Variants in AZIN2 observed in about 807,000 individuals in gnomAD.
AZIN2 encodes the protein antizyme inhibitor 2, also known as ODC antizyme inhibitor-2.
A neutral mutation model predicts 47.8 loss-of-function variants in AZIN2; 28 were observed. The ratio of observed to expected loss-of-function variants is 0.59; its 90% CI spans 0.43 to 0.80. AZIN2 has a LOEUF of 0.80. Ranked by LOEUF, AZIN2 falls within the 30% of genes least tolerant of loss-of-function variation. The pLI, the probability that AZIN2 is intolerant of heterozygous loss-of-function variation, is 0.00. For synonymous variants in AZIN2, 221 were observed against 239.4 expected (o/e 0.92, Z 0.71); for missense variants, 535 against 582.5 (o/e 0.92, Z 0.84).
chr1:33,149,156 CTTAT>C, the AZIN2 span, among the ~76,000 whole-genome samples: 5 of 152,146 alleles, frequency 3.3e-5, no homozygotes, highest in Admixed American at 6.6e-5. Flanking sequence ...TCTTCTTTTT[CTTAT>C]TTATTTATTG....
intron 9 of AZIN2, 34 bp downstream of exon 9, chr1:33,096,903 C>T: frequency 3.1e-6 from 5 of 1,613,230 alleles, no homozygotes; most frequent in Non-Finnish European, 4.2e-6. Flanking sequence ...GCCCTGTTCT[C>T]CCCTGAAGCT....
In AZIN2 at chr1:33,120,308, T is replaced by C; in HGVS notation, c.*126T>C. 7.5e-7 allele frequency: 1 copy of C among 1,336,146 alleles called. No individual in the cohort carries two copies. Among genetic ancestry groups the C allele is most frequent in the Non-Finnish European group, 1.0e-6 (1 of 982,806 alleles). The allele number at this position is 1,336,146 out of a possible 1,614,324, so 82.8% of individuals were successfully genotyped here. A position where few individuals can be genotyped will look rare whatever the true frequency, so the allele number is the denominator to read the frequency against. On this transcript the variant is annotated 3_prime_UTR_variant, in exon 12 of 12. Transcript: ENST00000294517. Reference sequence around the variant, plus strand: ...GGTGCCCACCCTGCCACCCCCGCGCTCCACCTGCAGTGTTTCTGCCCTGTA... The same window carrying C: ...GGTGCCCACCCTGCCACCCCCGCGCCCCACCTGCAGTGTTTCTGCCCTGTA...
At chr1:33,137,411 T>C in the AZIN2 span, among the ~76,000 whole-genome samples, 1 of 152,214 alleles carries the variant, frequency 6.6e-6, no homozygotes, top group African/African-American at 2.4e-5. Context: ...ATGTTAATGA[T>C]ATTTCAAACC....
intron 5 of AZIN2, among the ~76,000 whole-genome samples, chr1:33,086,834 G>A (rs1641957601): frequency 6.6e-6 from 1 of 152,116 alleles, no homozygotes; most frequent in Admixed American, 6.5e-5. Context: ...CTCTTTTCGT[G>A]ACCAAACTCA....
chr1:33,124,090 T>C (rs1011953244), downstream of AZIN2, among the ~76,000 whole-genome samples: 6 of 152,010 alleles, frequency 3.9e-5, no homozygotes, highest in African/African-American at 7.2e-5. The surrounding 1 kb of genome is among the most constrained non-coding windows in gnomAD (Gnocchi z 4.6). Context: ...CACTTGAACC[T>C]GGGAGGCGGA....
At chr1:33,086,611 C>T (rs1002649278) in intron 5 of AZIN2, among the ~76,000 whole-genome samples, 2 of 152,218 alleles carry the variant, frequency 1.3e-5, no homozygotes, top group Admixed American at 1.3e-4. Flanking sequence ...AAGGGCCTGG[C>T]GTAAGCTAGG....
chr1:33,147,146 C>A, the AZIN2 span: 2 of 1,601,976 alleles, frequency 1.2e-6, no homozygotes, highest in Admixed American at 1.7e-5. The surrounding 1 kb of genome is among the most constrained non-coding windows in gnomAD (Gnocchi z 8.1). Flanking sequence ...TGGCAGTGGT[C>A]CCAGGAGGTT....
At chr1:33,112,183 T>A (rs1419477438) in intron 10 of AZIN2, among the ~76,000 whole-genome samples, 1 of 152,206 alleles carries the variant, frequency 6.6e-6, no homozygotes, top group African/African-American at 2.4e-5. Flanking sequence ...GGCAGTGGTG[T>A]ATCACTACTT....
At chr1:33,084,845 C>T (rs777864052) in intron 5 of AZIN2, among the ~76,000 whole-genome samples, 12 of 152,098 alleles carry the variant, frequency 7.9e-5, no homozygotes, top group South Asian at 2.1e-4. Context: ...GGTGATCCAC[C>T]CGCCTCAGCC....
intron 5 of AZIN2, among the ~76,000 whole-genome samples, chr1:33,089,965 G>A (rs995431116): frequency 2.0e-5 from 3 of 152,112 alleles, no homozygotes; most frequent in South Asian, 2.1e-4. Flanking sequence ...TATTTTCTGC[G>A]TAGCCCTTCT....
chr1:33,144,298 C>T, the AZIN2 span, among the ~76,000 whole-genome samples: 5 of 152,166 alleles, frequency 3.3e-5, no homozygotes, highest in Admixed American at 1.3e-4. Flanking sequence ...CCACCACACC[C>T]GGCTAATTTT....
intron 11 of AZIN2, chr1:33,119,705 T>C: frequency 2.8e-6 from 1 of 354,056 alleles, no homozygotes; most frequent in Non-Finnish European, 5.3e-6. Context: ...CACTTCTCTC[T>C]CTGGGGAACT....
At position 33,114,801 on chromosome 1, in the gene AZIN2, C is replaced by T. The variant is rs189806275; in HGVS notation, c.1030-3101C>T. Reference sequence around the variant, plus strand: ...CCTCCTGAGTAGCTGGGATTACACGCCCAGCTAATTTTTGTATTTTTAGTA... The same window carrying T: ...CCTCCTGAGTAGCTGGGATTACACGTCCAGCTAATTTTTGTATTTTTAGTA... On this transcript the variant is annotated intron_variant, in intron 10 of 11. Coordinates refer to ENST00000294517, the MANE Select transcript of AZIN2 (RefSeq NM_052998.4). Among the ~76,000 whole-genome samples, 462 of 151,876 alleles carry T rather than the reference C, an allele frequency of 3.0e-3. 12 individuals are homozygous for T. The East Asian group carries it at 0.079, about 26-fold the overall frequency.
At position 33,120,484 on chromosome 1, in the gene AZIN2, T is replaced by C; in HGVS notation, c.*302T>C. On this transcript the variant is annotated 3_prime_UTR_variant, in exon 12 of 12. Coordinates refer to ENST00000294517, the MANE Select transcript of AZIN2 (RefSeq NM_052998.4). Reference sequence around the variant, plus strand: ...TCTCCTTTGGTCTCCTTCCCACCTTTGTAAATATAATGCAAATAAATAAAT... The same window carrying C: ...TCTCCTTTGGTCTCCTTCCCACCTTCGTAAATATAATGCAAATAAATAAAT... 1 of 346,546 alleles carries C rather than the reference T, an allele frequency of 2.9e-6. No homozygotes were observed. Among genetic ancestry groups the C allele is most frequent in the Non-Finnish European group, 5.3e-6 (1 of 190,374 alleles). 21.5% of individuals were successfully genotyped at this position (346,546 alleles called of 1,614,324 possible).
rs1254233587 is a variant in AZIN2, at chr1:33,082,281, T to C, written c.32T>C (p.Val11Ala). 2 of 1,613,894 alleles carry C rather than the reference T, an allele frequency of 1.2e-6. No homozygotes were observed. Among genetic ancestry groups the C allele is most frequent in the African/African-American group, 1.3e-5 (1 of 74,898 alleles). The change falls in exon 4 of 12, where the codon GTG (valine) becomes GCG (alanine). Residue 11 changes from valine (V) to alanine (A), a missense_variant. Physicochemically the swap from Val to Ala is moderately conservative, Grantham distance 64 (BLOSUM62 0). Coordinates refer to ENST00000294517, the MANE Select transcript of AZIN2 (RefSeq NM_052998.4). MAGYLSESDF[V>A]MVEEGFSTRD... ...GGCTACCTGAGTGAATCGGACTTTG[T>C]GATGGTGGAGGAGGGCTTCAGTACC... is the stretch of plus-strand genomic sequence containing the variant.
chr1:33,159,247 G>C, the AZIN2 span, among the ~76,000 whole-genome samples: 15 of 152,040 alleles, frequency 9.9e-5, no homozygotes, highest in East Asian at 2.5e-3. The surrounding 1 kb of genome is among the most constrained non-coding windows in gnomAD (Gnocchi z 4.2). Flanking sequence ...ATAGTAACAC[G>C]TAATGCCAAC....
chr1:33,159,212 G>A, the AZIN2 span, among the ~76,000 whole-genome samples: 2 of 151,736 alleles, frequency 1.3e-5, no homozygotes, highest in Non-Finnish European at 2.9e-5. The surrounding 1 kb of genome is among the most constrained non-coding windows in gnomAD (Gnocchi z 4.2). Context: ...GGACTGAGAG[G>A]GTTACAGTAA....
rs148859356 is a variant in AZIN2 at position 33,104,349 on chromosome 1, G to A, written c.1029+6170G>A. 2.6e-3 allele frequency among the ~76,000 whole-genome samples: 390 copies of A among 152,234 alleles called. 1 individual carries two copies. The highest frequency in any genetic ancestry group is 4.6e-3 in the Non-Finnish European group (314 of 68,016). ...GAAATGAGCTTGCATATGCATGTGT[G>A]CATGTATTTAATATGATGTTTGATA... On this transcript the variant is annotated intron_variant, in intron 10 of 11. Transcript: ENST00000294517.
intron 10 of AZIN2, among the ~76,000 whole-genome samples, chr1:33,115,144 C>T (rs1644480475): frequency 6.6e-6 from 1 of 152,152 alleles, no homozygotes; most frequent in Admixed American, 6.5e-5. Context: ...TTGGGCAGGT[C>T]ACCTTCCCTC....
Sources: allele counts gnomAD v4.1 joint callset (sites outside exome capture counted in the v4.1 genomes callset), GRCh38; gene constraint gnomAD v4.1.1; non-coding constraint Gnocchi (gnomAD v3.1); transcripts MANE v1.5; gene names NCBI Gene and HGNC (gene_info 2026-07-23, HGNC 2026-07-21).